Variants in AGBL4 observed in about 807,000 individuals in gnomAD.
The protein encoded by AGBL4 is AGBL carboxypeptidase 4, also known as cytosolic carboxypeptidase 6.
Under a neutral mutation model 66.4 loss-of-function variants are expected in AGBL4, and 58 were observed. That is an observed-to-expected ratio of 0.87 (90% CI 0.71 to 1.09). AGBL4 has a LOEUF of 1.09. Ranked by LOEUF, AGBL4 falls within the 50% of genes least tolerant of loss-of-function variation. The pLI, the probability that AGBL4 is intolerant of heterozygous loss-of-function variation, is 0.00. For synonymous variants in AGBL4, 234 were observed against 222.9 expected, an observed-to-expected ratio of 1.05 and a Z score of -0.44; for missense variants, 579 against 631.0, an observed-to-expected ratio of 0.92 and a Z score of 0.88.
chr1:49,468,967 T>C, intron 3 of AGBL4, among the ~76,000 whole-genome samples: 1 of 151,808 alleles, frequency 6.6e-6, no homozygotes, highest in East Asian at 1.9e-4. Flanking sequence ...CCCATTGTAG[T>C]TTTTGATCTG....
At chr1:48,611,484 G>C (rs1645238631) in intron 9 of AGBL4, among the ~76,000 whole-genome samples, 1 of 152,188 alleles carries the variant, frequency 6.6e-6, no homozygotes, top group Non-Finnish European at 1.5e-5. Context: ...CCTTAAAATG[G>C]GGATAATAAT....
At chr1:49,583,030 A>G (rs774325875) in intron 3 of AGBL4, among the ~76,000 whole-genome samples, 16 of 152,106 alleles carry the variant, frequency 1.1e-4, no homozygotes, top group Non-Finnish European at 2.4e-4. Flanking sequence ...AACCCTTGTA[A>G]TTTCCTAAGT....
intron 3 of AGBL4, chr1:49,471,973 G>A (rs1453258018): frequency 3.3e-5 from 5 of 152,000 alleles, no homozygotes; most frequent in Non-Finnish European, 7.4e-5. Flanking sequence ...GAGGAAATGT[G>A]GGGTACCAGA....
chr1:48,868,622 T>C (rs949392216), intron 5 of AGBL4, among the ~76,000 whole-genome samples: 6 of 152,210 alleles, frequency 3.9e-5, no homozygotes, highest in Non-Finnish European at 5.9e-5. Context: ...AAAAGATCTA[T>C]GCAGTATTGA....
intron 3 of AGBL4, chr1:49,423,273 G>A (rs1211087968): frequency 6.6e-6 from 1 of 152,182 alleles, no homozygotes; most frequent in Non-Finnish European, 1.5e-5. Flanking sequence ...TCAAGACAGG[G>A]TTTGTCTTTT....
At chr1:48,634,858 T>A (rs1273143320) in intron 8 of AGBL4, among the ~76,000 whole-genome samples, 1 of 152,182 alleles carries the variant, frequency 6.6e-6, no homozygotes, top group Admixed American at 6.5e-5. Context: ...AGTATTTCTG[T>A]GGTGTAGCCT....
At chr1:49,603,607 C>G (rs1645006911) in intron 3 of AGBL4, among the ~76,000 whole-genome samples, 1 of 151,906 alleles carries the variant, frequency 6.6e-6, no homozygotes, top group East Asian at 1.9e-4. Context: ...TTTAAGGCCT[C>G]TAGGAGGCAG....
At chr1:48,575,481 C>A (rs1286052513) in intron 11 of AGBL4, among the ~76,000 whole-genome samples, 1 of 152,184 alleles carries the variant, frequency 6.6e-6, no homozygotes, top group African/African-American at 2.4e-5. Context: ...GCCACAGTGA[C>A]CTCCAGGCAG....
chr1:49,101,823 T>C (rs1277418561), intron 4 of AGBL4, among the ~76,000 whole-genome samples: 2 of 152,126 alleles, frequency 1.3e-5, no homozygotes, highest in Non-Finnish European at 1.5e-5. Flanking sequence ...CCATAGCAAA[T>C]TGATTCCTGT....
chr1:48,737,044 G>A (rs1341654750), intron 6 of AGBL4, among the ~76,000 whole-genome samples: 6 of 152,172 alleles, frequency 3.9e-5, no homozygotes, highest in African/African-American at 2.4e-5. Context: ...AGCACTTTGG[G>A]AGGCAGAGGT....
At chr1:48,846,421 GAAAT>G (rs1646919791) in intron 6 of AGBL4, among the ~76,000 whole-genome samples, 1 of 144,602 alleles carries the variant, frequency 6.9e-6, no homozygotes, top group Non-Finnish European at 1.5e-5. Context: ...AAGAAAGAAA[GAAAT>G]TCATTTATAG....
At chr1:49,129,733 T>A (rs1241025241) in intron 4 of AGBL4, among the ~76,000 whole-genome samples, 1 of 152,174 alleles carries the variant, frequency 6.6e-6, no homozygotes, top group Non-Finnish European at 1.5e-5. Flanking sequence ...TTTGGGTTGG[T>A]TCCAAGTCTT....
intron 10 of AGBL4, 97 bp from the exon 11 acceptor site, chr1:48,587,263 T>C (rs1644837970): frequency 1.7e-6 from 2 of 1,198,600 alleles, no homozygotes; most frequent in Admixed American, 2.6e-5. Flanking sequence ...AGCTTCACTG[T>C]CTGAAGAGTG....
intron 3 of AGBL4, among the ~76,000 whole-genome samples, chr1:49,516,363 A>C (rs750670035): frequency 2.0e-5 from 3 of 152,178 alleles, no homozygotes; most frequent in Non-Finnish European, 4.4e-5. Flanking sequence ...AGAAGGTAAC[A>C]ACTAAACTGA....
chr1:49,659,768 C>G (rs1175222906), intron 3 of AGBL4, among the ~76,000 whole-genome samples: 3 of 152,080 alleles, frequency 2.0e-5, no homozygotes, highest in Non-Finnish European at 4.4e-5. Context: ...ACCAAGTGGA[C>G]CTGATAGATA....
rs569723154 is a variant in AGBL4 at position 49,516,211 on chromosome 1, A to G, written c.282+181102T>C. Among the ~76,000 whole-genome samples the G allele has an allele frequency of 5.3e-5, 8 of 152,042 alleles. 1 individual carries two copies. The highest frequency in any genetic ancestry group is 6.6e-5 in the Admixed American group (1 of 15,242). On this transcript the variant is annotated intron_variant, in intron 3 of 13. Coordinates refer to ENST00000371839, the MANE Select transcript of AGBL4 (RefSeq NM_032785.4). ...TGTCCTTATCTCCAAGGATCTCACA[A>G]TATAATAGGGAACACAGGCAAATAC...
At chr1:48,683,497 G>A (rs78236612) in intron 6 of AGBL4, among the ~76,000 whole-genome samples, 12,104 of 152,222 alleles carry the variant, frequency 0.08, 670 homozygotes, top group Non-Finnish European at 0.11. Context: ...GCTTCTACCC[G>A]CCATCCATCA....
chr1:49,435,222 T>C (rs1645877519), intron 3 of AGBL4, among the ~76,000 whole-genome samples: 1 of 152,194 alleles, frequency 6.6e-6, no homozygotes, highest in Admixed American at 6.6e-5. Context: ...CGTCTGATTG[T>C]TCATCAAATC....
chr1:49,077,435 G>A (rs891423121), intron 4 of AGBL4, among the ~76,000 whole-genome samples: 1 of 151,966 alleles, frequency 6.6e-6, no homozygotes, highest in South Asian at 2.1e-4. Flanking sequence ...TTACAAAACT[G>A]TACTTCACAT....
Sources: gnomAD v4.1 joint callset for allele counts (sites outside exome capture counted in the v4.1 genomes callset) on GRCh38, gnomAD v4.1.1 for gene constraint, MANE v1.5 for transcripts, NCBI Gene and HGNC (gene_info 2026-07-23, HGNC 2026-07-21) for gene names.